The following FGR variants were observed in gnomAD, a reference collection of about 807,000 sequenced individuals.
The protein encoded by FGR is FGR proto-oncogene, Src family tyrosine kinase, also known as tyrosine-protein kinase Fgr.
FGR carries 26 observed loss-of-function variants against 63.2 expected under a neutral mutation model. The observed-to-expected ratio is 0.41, with a 90% CI of 0.30 to 0.57. The LOEUF (loss-of-function observed/expected upper bound fraction) is 0.57, where lower values mean the gene tolerates loss of function less well. FGR is among the 20% of genes least tolerant of loss of function. The pLI is 0.27. For missense variants in FGR, 511 were observed against 690.8 expected, an observed-to-expected ratio of 0.74 and a Z score of 2.92; for synonymous variants, 286 against 277.7, an observed-to-expected ratio of 1.03 and a Z score of -0.30.
At chr1:27,634,004 G>C (rs769201541) in intron 1 of FGR, among the ~76,000 whole-genome samples, 1 of 152,214 alleles carries the variant, frequency 6.6e-6, no homozygotes, top group African/African-American at 2.4e-5. Context: ...GTCTTGCTAA[G>C]AACCCAGGTC....
intron 4 of FGR, 117 bp downstream of exon 4, chr1:27,622,925 T>G (rs2089957267): frequency 2.8e-6 from 2 of 715,398 alleles, no homozygotes; most frequent in Admixed American, 4.2e-5. Flanking sequence ...TTTATTGTTA[T>G]GTATATGTGT....
At chr1:27,634,410 G>A (rs1216785028) in intron 1 of FGR, among the ~76,000 whole-genome samples, 2 of 152,194 alleles carry the variant, frequency 1.3e-5, no homozygotes, top group Non-Finnish European at 2.9e-5. Context: ...CCTGCAGCCC[G>A]GAACCTACCG....
At position 27,615,308 on chromosome 1, in the gene FGR, TG is replaced by T; in HGVS notation, c.1018+125del. The T allele has an allele frequency of 9.4e-7, 1 of 1,067,838 alleles. No individual in the cohort carries two copies. Among genetic ancestry groups the T allele is most frequent in the Non-Finnish European group, 1.3e-6 (1 of 741,504 alleles). The allele number at this position is 1,067,838 out of a possible 1,614,324, so 66.1% of individuals were successfully genotyped here. A position where few individuals can be genotyped will look rare whatever the true frequency, so the allele number is the denominator to read the frequency against. On this transcript the variant is annotated intron_variant, in intron 9 of 12. Coordinates refer to ENST00000374005, the MANE Select transcript of FGR (RefSeq NM_005248.3). The surrounding 1 kb of genome is among the most constrained non-coding windows in gnomAD (Gnocchi z 7.6). Reference sequence around the variant, plus strand: ...CAGCCCTCCAGTCGTTTTACACACCTGGTCCCTTAGTGGGACTCTGCCCATT... The same window carrying T: ...CAGCCCTCCAGTCGTTTTACACACCTGTCCCTTAGTGGGACTCTGCCCATT...
chr1:27,614,677 T>C, intron 10 of FGR, 94 bp from the exon 11 acceptor site: 2 of 1,472,384 alleles, frequency 1.4e-6, no homozygotes, highest in Non-Finnish European at 1.9e-6. Context: ...AAAACCCACT[T>C]TCCAGAGGGG....
intron 3 of FGR, 152 bp downstream of exon 3, chr1:27,623,539 G>A (rs2089967525): frequency 1.2e-6 from 1 of 803,718 alleles, no homozygotes; most frequent in East Asian, 2.7e-5. Context: ...TGGGAGGGCT[G>A]TACAGACTCC....
At chr1:27,634,414 C>A (rs1264333089) in intron 1 of FGR, among the ~76,000 whole-genome samples, 5 of 152,220 alleles carry the variant, frequency 3.3e-5, no homozygotes, top group Admixed American at 3.3e-4. Flanking sequence ...CAGCCCGGAA[C>A]CTACCGCAAG....
chr1:27,616,798 C>A lies in FGR; in HGVS notation c.682+59G>T. ...CCCTTCCCTTCTCTGGGCCTCAGTT[C>A]CCCCATCTGGACAATGCTTCAGTTG... On this transcript the variant is annotated intron_variant, in intron 7 of 12. Transcript: ENST00000374005. The surrounding 1 kb of genome is among the most constrained non-coding windows in gnomAD (Gnocchi z 4.3). 1.3e-6 allele frequency: 2 copies of A among 1,577,336 alleles called. No homozygotes were observed. Among genetic ancestry groups the A allele is most frequent in the South Asian group, 1.1e-5 (1 of 90,176 alleles).
intron 3 of FGR, chr1:27,623,385 C>A: frequency 3.4e-6 from 2 of 596,946 alleles, no homozygotes; most frequent in Non-Finnish European, 6.0e-6. Flanking sequence ...CTCCTCTTCC[C>A]CACCAAGAAG....
chr1:27,633,697 G>A (rs1375478380), intron 1 of FGR, among the ~76,000 whole-genome samples: 5 of 152,192 alleles, frequency 3.3e-5, no homozygotes, highest in African/African-American at 1.2e-4. Context: ...TACAGCAGGT[G>A]CCACCACTTC....
chr1:27,615,475 G>C lies in FGR; in HGVS notation c.977C>G (p.Ser326Trp), dbSNP rs1274938789. The C allele has an allele frequency of 1.9e-6, 3 of 1,610,348 alleles. No homozygotes were observed. The highest frequency in any genetic ancestry group is 2.5e-6 in the Non-Finnish European group (3 of 1,176,938). Residue 326 changes from serine (S) to tryptophan (W), a missense_variant, in exon 9 of 13, where the codon TCG becomes TGG. Physicochemically the swap from Ser to Trp is radical, Grantham distance 177 (BLOSUM62 -3). Coordinates refer to ENST00000374005, the MANE Select transcript of FGR (RefSeq NM_005248.3). This position sits in a 1 kb window ranked among gnomAD's most constrained non-coding sequence, Gnocchi z 7.6. The stretch of plus-strand genomic sequence containing the variant: ...GGTCACGATGTAGATGGGCTCCTCC[G>C]ACACCACGGCGTACAGCTGCACCAG... ...DKLVQLYAVV[S>W]EEPIYIVTEF...
Position 27,617,429 on chromosome 1 carries a change from C to G in FGR, c.429-133G>C. Reference sequence around the variant, plus strand: ...TGGGGCTGGTACACCTGCTTCACATCCTGGCTGGGAGGGTTACAGAGAAGG... The same window carrying G: ...TGGGGCTGGTACACCTGCTTCACATGCTGGCTGGGAGGGTTACAGAGAAGG... On this transcript the variant is annotated intron_variant, in intron 5 of 12. Coordinates refer to ENST00000374005, the MANE Select transcript of FGR (RefSeq NM_005248.3). This position sits in a 1 kb window ranked among gnomAD's most constrained non-coding sequence, Gnocchi z 4.5. 1.5e-6 allele frequency: 1 copy of G among 657,216 alleles called. No homozygotes were observed. Among genetic ancestry groups the G allele is most frequent in the South Asian group, 1.7e-5 (1 of 57,848 alleles). The allele number at this position is 657,216 out of a possible 1,614,324, so 40.7% of individuals were successfully genotyped here. A position where few individuals can be genotyped will look rare whatever the true frequency, so the allele number is the denominator to read the frequency against.
chr1:27,625,971 C>A, intron 1 of FGR: 1 of 401,462 alleles, frequency 2.5e-6, no homozygotes, highest in Non-Finnish European at 4.4e-6. Context: ...AAAAAACAGT[C>A]CTTCCTCTGA....
chr1:27,629,221 A>G (rs1249072670), intron 1 of FGR, among the ~76,000 whole-genome samples: 1 of 152,092 alleles, frequency 6.6e-6, no homozygotes, highest in Non-Finnish European at 1.5e-5. Flanking sequence ...AAAAGAAAAG[A>G]AAAGAAAAGA....
intron 1 of FGR, chr1:27,626,554 G>A (rs2090024620): frequency 4.9e-6 from 1 of 202,682 alleles, no homozygotes; most frequent in Non-Finnish European, 9.8e-6. Flanking sequence ...AGCCCCACCT[G>A]CCCCTCTCAC....
rs892805614 is a variant in FGR, at chr1:27,615,993, C to T, written c.683-149G>A. On this transcript the variant is annotated intron_variant, in intron 7 of 12. Coordinates refer to ENST00000374005, the MANE Select transcript of FGR (RefSeq NM_005248.3). This position sits in a 1 kb window ranked among gnomAD's most constrained non-coding sequence, Gnocchi z 7.6. ...TCACAGGCCAGGAAGAAAGGCAACC[C>T]GATCCACTAAATAGGGGAACATGTT... 1.5e-5 allele frequency: 13 copies of T among 846,150 alleles called. No individual in the cohort carries two copies. Among genetic ancestry groups the T allele is most frequent in the South Asian group, 1.1e-4 (5 of 45,362 alleles). 52.4% of individuals were successfully genotyped at this position (846,150 alleles called of 1,614,324 possible).
chr1:27,615,491 G>A lies in FGR; in HGVS notation c.961C>T (p.Leu321=). The A allele has an allele frequency of 6.2e-7, 1 of 1,613,430 alleles. No individual in the cohort carries two copies. The highest frequency in any genetic ancestry group is 8.5e-7 in the Non-Finnish European group (1 of 1,179,388). Residue 321 remains leucine (L), a synonymous_variant, in exon 9 of 13, where the codon CTG becomes TTG. Transcript: ENST00000374005. The surrounding 1 kb of genome is among the most constrained non-coding windows in gnomAD (Gnocchi z 7.6). ...KLLRHDKLVQ[L]YAVVSEEPIY... ...GGCTCCTCCGACACCACGGCGTACA[G>A]CTGCACCAGCTTGTCGTGCCGCAGC...
rs372877933 is a variant in FGR at position 27,615,393 on chromosome 1, C to T, written c.1018+41G>A. Reference sequence around the variant, plus strand: ...CCACGCCTGAAAACTCCCCTCTTAACTTCACCCCGAATCCCGCCCGACCAG... The same window carrying T: ...CCACGCCTGAAAACTCCCCTCTTAATTTCACCCCGAATCCCGCCCGACCAG... On this transcript the variant is annotated intron_variant, in intron 9 of 12. Transcript: ENST00000374005. This position sits in a 1 kb window ranked among gnomAD's most constrained non-coding sequence, Gnocchi z 7.6. 44 of 1,577,396 alleles carry T rather than the reference C, an allele frequency of 2.8e-5. No homozygotes were observed. The highest frequency in any genetic ancestry group is 3.5e-5 in the Non-Finnish European group (41 of 1,154,970).
At position 27,617,123 on chromosome 1, in the gene FGR, GCCTACCGCTCCTAGC is replaced by G. The variant is rs1010209663; in HGVS notation, c.532+55_532+69del. The G allele has an allele frequency of 6.3e-7, 1 of 1,596,306 alleles. No individual in the cohort carries two copies. The highest frequency in any genetic ancestry group is 8.6e-7 in the Non-Finnish European group (1 of 1,165,682). Reference sequence around the variant, plus strand: ...CCCAGTCTTGGCCTTAACCCAAGCAGCCTACCGCTCCTAGCCCTACCCCAATGGCTGGGCCTCCCA... The same window carrying G: ...CCCAGTCTTGGCCTTAACCCAAGCAGCCTACCCCAATGGCTGGGCCTCCCA... On this transcript the variant is annotated intron_variant, in intron 6 of 12. Coordinates refer to ENST00000374005, the MANE Select transcript of FGR (RefSeq NM_005248.3). This position sits in a 1 kb window ranked among gnomAD's most constrained non-coding sequence, Gnocchi z 4.5.
At chr1:27,619,109 C>A (rs1315822138) in intron 5 of FGR, among the ~76,000 whole-genome samples, 6 of 152,230 alleles carry the variant, frequency 3.9e-5, no homozygotes, top group Admixed American at 1.3e-4. Flanking sequence ...GGCAGCTTTC[C>A]CCAAAGTGGG....
Sources: allele counts gnomAD v4.1 joint callset (sites outside exome capture counted in the v4.1 genomes callset), GRCh38; gene constraint gnomAD v4.1.1; non-coding constraint Gnocchi (gnomAD v3.1); transcripts MANE v1.5; gene names NCBI Gene and HGNC (gene_info 2026-07-23, HGNC 2026-07-21).